Variants in SLC9A9 observed in about 807,000 individuals in gnomAD.
SLC9A9 encodes sodium/hydrogen exchanger 9.
A neutral mutation model predicts 77.8 loss-of-function variants in SLC9A9; 62 were observed. The ratio of observed to expected loss-of-function variants is 0.80; its 90% CI spans 0.65 to 0.98. The LOEUF (loss-of-function observed/expected upper bound fraction) is 0.98, where lower values mean the gene tolerates loss of function less well. Among genes scored for constraint, SLC9A9 ranks in the 50% least tolerant of loss-of-function variants. The pLI is 0.00. For synonymous variants in SLC9A9, 320 were observed against 283.5 expected (o/e 1.13, Z -1.29); for missense variants, 775 against 774.9 (o/e 1.00, Z 0.00).
intron 5 of SLC9A9, among the ~76,000 whole-genome samples, chr3:143,671,791 G>A (rs775793249): frequency 6.6e-5 from 10 of 152,208 alleles, no homozygotes; most frequent in Non-Finnish European, 1.3e-4. Flanking sequence ...TGGCTGATAC[G>A]TCTGTGCTCT....
intron 5 of SLC9A9, among the ~76,000 whole-genome samples, chr3:143,688,485 A>T (rs60891486): frequency 0.045 from 6,786 of 152,088 alleles, 198 homozygotes; most frequent in East Asian, 0.11. Flanking sequence ...GTGAGGCCTG[A>T]CCCTGAAAGC....
intron 11 of SLC9A9, among the ~76,000 whole-genome samples, chr3:143,488,706 A>T (rs554133409): frequency 8.0e-5 from 12 of 149,074 alleles, no homozygotes; most frequent in Admixed American, 4.6e-4. Flanking sequence ...ATTTCATGAT[A>T]AAAAAAACAA....
intron 6 of SLC9A9, among the ~76,000 whole-genome samples, chr3:143,646,667 A>G (rs999710899): frequency 1.3e-5 from 2 of 152,158 alleles, no homozygotes; most frequent in African/African-American, 4.8e-5. Context: ...TGGAGAGACT[A>G]TTGCACATGC....
intron 4 of SLC9A9, among the ~76,000 whole-genome samples, chr3:143,738,378 C>T (rs774844032): frequency 2.4e-4 from 37 of 152,296 alleles, no homozygotes; most frequent in Non-Finnish European, 4.3e-4. Flanking sequence ...GTGGCCACAC[C>T]TTGACTTCCC....
chr3:143,700,102 G>T lies in SLC9A9; in HGVS notation c.534-6795C>A, dbSNP rs144260916. 1.4e-4 allele frequency among the ~76,000 whole-genome samples: 22 copies of T among 152,046 alleles called. No individual in the cohort carries two copies. The East Asian group carries it at 4.3e-3, about 30-fold the overall frequency. ...ACCCTGGGCCAGAAGGGAACCCACT[G>T]CCTTAAAGGGAAGGGCACAGTACTG... On this transcript the variant is annotated intron_variant, in intron 4 of 15. Coordinates refer to ENST00000316549, the MANE Select transcript of SLC9A9 (RefSeq NM_173653.4).
chr3:143,527,144 T>G (rs1196045835), intron 9 of SLC9A9, among the ~76,000 whole-genome samples: 1 of 152,246 alleles, frequency 6.6e-6, no homozygotes, highest in African/African-American at 2.4e-5. Flanking sequence ...CACATTTCGG[T>G]GCCTGCATTT....
chr3:143,379,520 A>C, intron 13 of SLC9A9, among the ~76,000 whole-genome samples: 1 of 152,256 alleles, frequency 6.6e-6, no homozygotes, highest in East Asian at 1.9e-4. Flanking sequence ...CATGAATAAG[A>C]ACACTTACAG....
At chr3:143,426,447 G>T (rs2034407187) in intron 12 of SLC9A9, among the ~76,000 whole-genome samples, 1 of 152,112 alleles carries the variant, frequency 6.6e-6, no homozygotes, top group African/African-American at 2.4e-5. Context: ...GAAACCTATT[G>T]TTTCCTTTCT....
At chr3:143,660,779 A>G (rs1006020673) in intron 5 of SLC9A9, among the ~76,000 whole-genome samples, 2 of 152,186 alleles carry the variant, frequency 1.3e-5, no homozygotes, top group Non-Finnish European at 2.9e-5. Context: ...CCTCTTAGCT[A>G]TAGCACAGCT....
chr3:143,760,952 C>T (rs1161415826), intron 4 of SLC9A9, among the ~76,000 whole-genome samples: 16 of 152,084 alleles, frequency 1.1e-4, no homozygotes, highest in Admixed American at 1.0e-3. Context: ...TACTACAAGG[C>T]TACAGTAACC....
At chr3:143,517,513 C>T (rs545611706) in intron 9 of SLC9A9, 6 of 1,597,686 alleles carry the variant, frequency 3.8e-6, no homozygotes, top group Admixed American at 3.3e-5. Flanking sequence ...CACGTTTTCG[C>T]TCATACTTTC....
At chr3:143,504,985 C>T (rs549659968) in intron 9 of SLC9A9, among the ~76,000 whole-genome samples, 47 of 152,206 alleles carry the variant, frequency 3.1e-4, no homozygotes, top group Middle Eastern at 3.4e-3. Context: ...GTTTGCAAAG[C>T]ATATTTTCAT....
chr3:143,843,353 A>C (rs959998476), intron 1 of SLC9A9, among the ~76,000 whole-genome samples: 3 of 152,222 alleles, frequency 2.0e-5, no homozygotes, highest in African/African-American at 7.2e-5. Context: ...TTTTCAGAAA[A>C]GATAATTTTT....
At chr3:143,549,379 T>C (rs2036842986) in intron 9 of SLC9A9, among the ~76,000 whole-genome samples, 1 of 152,142 alleles carries the variant, frequency 6.6e-6, no homozygotes, top group Admixed American at 6.5e-5. Context: ...ACATAGGCTG[T>C]GTATGTACAT....
At chr3:143,425,235 G>A (rs1559910350) in intron 12 of SLC9A9, among the ~76,000 whole-genome samples, 3 of 136,316 alleles carry the variant, frequency 2.2e-5, no homozygotes, top group East Asian at 2.2e-4. Context: ...TGTACACTTA[G>A]TTTTGATGTG....
At chr3:143,751,145 T>C (rs1033637515) in intron 4 of SLC9A9, among the ~76,000 whole-genome samples, 2 of 152,202 alleles carry the variant, frequency 1.3e-5, no homozygotes, top group African/African-American at 2.4e-5. Context: ...TAGTTTGATA[T>C]TGCAGGGCGA....
intron 14 of SLC9A9, among the ~76,000 whole-genome samples, chr3:143,303,434 T>G (rs367972626): frequency 2.0e-5 from 3 of 151,854 alleles, no homozygotes; most frequent in East Asian, 3.9e-4. Flanking sequence ...TGGAACAGCA[T>G]GTGCAAAGGA....
chr3:143,700,594 G>A (rs181546441), intron 4 of SLC9A9, among the ~76,000 whole-genome samples: 16 of 152,348 alleles, frequency 1.1e-4, no homozygotes, highest in Admixed American at 7.8e-4. Flanking sequence ...GGAAAGGGGA[G>A]GGAAGAGTGG....
At chr3:143,764,330 G>A (rs891309722) in intron 4 of SLC9A9, among the ~76,000 whole-genome samples, 2 of 152,200 alleles carry the variant, frequency 1.3e-5, no homozygotes, top group African/African-American at 4.8e-5. Context: ...GCAGACTGGA[G>A]AAATTTCAAT....
Sources: allele counts gnomAD v4.1 joint callset (sites outside exome capture counted in the v4.1 genomes callset), GRCh38; gene constraint gnomAD v4.1.1; transcripts MANE v1.5; gene names NCBI Gene and HGNC (gene_info 2026-07-23, HGNC 2026-07-21).